Variants in COL4A3 observed in about 807,000 individuals in gnomAD.
COL4A3 encodes the protein collagen type IV alpha 3 chain.
In COL4A3, 135 loss-of-function variants were observed where a neutral mutation model predicts 217.4. The observed-to-expected ratio is 0.62, with a 90% CI of 0.54 to 0.72. The LOEUF is 0.72. Ranked by LOEUF, COL4A3 falls within the 30% of genes least tolerant of loss-of-function variation. COL4A3 has a pLI of 0.00. For missense variants in COL4A3, 1,868 were observed against 2,119.9 expected (o/e 0.88, Z 2.33); for synonymous variants, 690 against 736.3 (o/e 0.94, Z 1.02).
intron 1 of COL4A3, among the ~76,000 whole-genome samples, chr2:227,186,242 C>G (rs1047714226): frequency 6.6e-6 from 1 of 152,092 alleles, no homozygotes; most frequent in Non-Finnish European, 1.5e-5. Flanking sequence ...AATAAGATAA[C>G]GCGCATTACA....
intron 1 of COL4A3, among the ~76,000 whole-genome samples, chr2:227,232,118 T>C (rs1469060680): frequency 1.3e-5 from 2 of 152,232 alleles, no homozygotes; most frequent in Non-Finnish European, 2.9e-5. Flanking sequence ...GTTCCATCCA[T>C]GTCGTTGCAA....
intron 1 of COL4A3, among the ~76,000 whole-genome samples, chr2:227,223,487 A>T (rs13023148): frequency 0.45 from 68,554 of 151,782 alleles, 16,701 homozygotes; most frequent in Non-Finnish European, 0.56. Context: ...TAATCCCAGC[A>T]CTTCGGGAGG....
chr2:227,249,240 T>A (rs1266037134), intron 9 of COL4A3, among the ~76,000 whole-genome samples: 1 of 41,310 alleles, frequency 2.4e-5, no homozygotes, highest in African/African-American at 8.1e-5. Flanking sequence ...ATTTTTTTTT[T>A]TTTTTTTTTT....
At position 227,253,978 on chromosome 2, in the gene COL4A3, GGTTGT is replaced by G; in HGVS notation, c.766-130_766-126del. 3.6e-6 allele frequency: 3 copies of G among 833,298 alleles called. No individual in the cohort carries two copies. In the East Asian group the frequency reaches 7.6e-5, roughly 21 times the overall value. 51.6% of individuals were successfully genotyped at this position (833,298 alleles called of 1,614,324 possible). A position where few individuals can be genotyped will look rare whatever the true frequency, so the allele number is the denominator to read the frequency against. The stretch of plus-strand genomic sequence containing the variant: ...AATGTGAGAAATGGAAGGTGTATTG[GGTTGT>G]GTTAACACGAGGCACATTCATAGTT... On this transcript the variant is annotated intron_variant, in intron 13 of 51. Coordinates refer to ENST00000396578, the MANE Select transcript of COL4A3 (RefSeq NM_000091.5). The surrounding 1 kb of genome is among the most constrained non-coding windows in gnomAD (Gnocchi z 4.4).
rs1574825410 is a variant in COL4A3 at position 227,298,728 on chromosome 2, A to C, written c.3798A>C (p.Ile1266=). 1 of 1,614,068 alleles carries C rather than the reference A, an allele frequency of 6.2e-7. No individual in the cohort carries two copies. ...CTCCAGGGAGTCATGTAATAGGCAT[A>C]AAAGGAGACAAAGGGTCTATGGGCC... is the stretch of plus-strand genomic sequence containing the variant. The part of the protein sequence containing the change: ...PGPPGSHVIG[I]KGDKGSMGHP... The change falls in exon 43 of 52, where the codon ATA becomes ATC. Residue 1266 remains isoleucine, a synonymous_variant. Coordinates refer to ENST00000396578, the MANE Select transcript of COL4A3 (RefSeq NM_000091.5).
intron 26 of COL4A3, among the ~76,000 whole-genome samples, chr2:227,274,743 C>T (rs1326036223): frequency 5.3e-5 from 8 of 152,060 alleles, no homozygotes; most frequent in Non-Finnish European, 2.9e-5. Flanking sequence ...AGGTGATCCA[C>T]CTGCCTCGGC....
At chr2:227,311,085 A>T (rs912012616) in intron 51 of COL4A3, 137 bp downstream of exon 51, 3 of 792,838 alleles carry the variant, frequency 3.8e-6, no homozygotes, top group Non-Finnish European at 6.4e-6. Context: ...TTTTGTCATC[A>T]CTAAACACAT....
In COL4A3 at chr2:227,311,998, C is replaced by T; in HGVS notation, c.*128C>T. ...TCCATGATGACTTAGTACAAAGTTT[C>T]AATTTGTTTCCCCACAAAACAAAGC... is the stretch of plus-strand genomic sequence containing the variant. On this transcript the variant is annotated 3_prime_UTR_variant, in exon 52 of 52. Coordinates refer to ENST00000396578, the MANE Select transcript of COL4A3 (RefSeq NM_000091.5). The T allele has an allele frequency of 6.8e-7, 1 of 1,474,454 alleles. No homozygotes were observed. The highest frequency in any genetic ancestry group is 1.4e-5 in the African/African-American group (1 of 71,350). The allele number at this position is 1,474,454 out of a possible 1,614,324, so 91.3% of individuals were successfully genotyped here.
chr2:227,281,534 G>T (rs749748687), intron 31 of COL4A3, among the ~76,000 whole-genome samples: 2 of 152,160 alleles, frequency 1.3e-5, no homozygotes, highest in Non-Finnish European at 2.9e-5. Context: ...TTTGTTTTTG[G>T]ATCCTCTCCT....
At chr2:227,189,449 GT>G (rs1275705979) in intron 1 of COL4A3, among the ~76,000 whole-genome samples, 1 of 152,126 alleles carries the variant, frequency 6.6e-6, no homozygotes, top group African/African-American at 2.4e-5. Context: ...AGATCTGTGA[GT>G]TTTTTGGTCT....
intron 1 of COL4A3, among the ~76,000 whole-genome samples, chr2:227,176,382 T>C (rs997107978): frequency 2.0e-5 from 3 of 152,228 alleles, no homozygotes; most frequent in Non-Finnish European, 2.9e-5. Flanking sequence ...CACACACGTA[T>C]ATTTAAATAA....
At position 227,284,318 on chromosome 2, in the gene COL4A3, G is replaced by A. The variant is rs2072186574; in HGVS notation, c.2854G>A (p.Gly952Arg). The change falls in exon 34 of 52, where the codon GGG (glycine) becomes AGG (arginine). Residue 952 changes from glycine (G) to arginine (R), a missense_variant. This residue lies in a region of COL4A3 where 1,503 missense variants were observed against 1,786.1 expected (regional missense o/e 0.84). Coordinates refer to ENST00000396578, the MANE Select transcript of COL4A3 (RefSeq NM_000091.5). ...PGPSEISHVI[G>R]DKGEPGLKGF... ...GCCTTCAGAGATATCCCACGTAATA[G>A]GGGACAAAGGAGAACCAGGTCTCAA... 3 of 1,613,864 alleles carry A rather than the reference G, an allele frequency of 1.9e-6. No homozygotes were observed. In the African/African-American group the frequency reaches 4.0e-5, roughly 22 times the overall value.
chr2:227,165,808 TTTAAA>T (rs527855195), intron 1 of COL4A3, among the ~76,000 whole-genome samples: 66 of 152,322 alleles, frequency 4.3e-4, no homozygotes, highest in African/African-American at 1.6e-3. Context: ...GTTTTTCCTA[TTTAAA>T]TTAAATGAAG....
chr2:227,198,622 T>G (rs567616415), intron 1 of COL4A3, among the ~76,000 whole-genome samples: 1 of 152,240 alleles, frequency 6.6e-6, no homozygotes, highest in South Asian at 2.1e-4. Context: ...GTACTACTAC[T>G]GGAGAAATGA....
At chr2:227,293,990 T>G (rs770090728) in intron 38 of COL4A3, 11 of 319,398 alleles carry the variant, frequency 3.4e-5, no homozygotes, top group Non-Finnish European at 5.5e-5. Context: ...AGGTTAGGAC[T>G]TCAGCATATG....
chr2:227,276,390 A>T lies in COL4A3; in HGVS notation c.1933A>T (p.Arg645Trp). 1 of 1,613,650 alleles carries T rather than the reference A, an allele frequency of 6.2e-7. No individual in the cohort carries two copies. Among genetic ancestry groups the T allele is most frequent in the Non-Finnish European group, 8.5e-7 (1 of 1,179,558 alleles). ...TGACCACAAATTTCCTTAAGGCCCTAGGGGAGAGCTCAGTGTTTCAACACC... is the reference window on the plus strand; with the variant it reads ...TGACCACAAATTTCCTTAAGGCCCTTGGGGAGAGCTCAGTGTTTCAACACC... ...APGPPGEAGP[R>W]GELSVSTPVP... Residue 645 changes from arginine (R) to tryptophan (W), a missense_variant, in exon 27 of 52, where the codon AGG becomes TGG. Arg to Trp is a moderately radical substitution (Grantham distance 101). This residue lies in a region of COL4A3 where 1,503 missense variants were observed against 1,786.1 expected (regional missense o/e 0.84). Transcript: ENST00000396578.
At position 227,314,559 on chromosome 2, in the gene COL4A3, G is replaced by T. The variant is rs1294564791; in HGVS notation, c.*2689G>T. On this transcript the variant is annotated 3_prime_UTR_variant, in exon 52 of 52. Transcript: ENST00000396578. Reference sequence around the variant, plus strand: ...TGAAAGTATTAAAATGCTTACATTTGAACTTGATGGCTAACTTACAAAGAT... The same window carrying T: ...TGAAAGTATTAAAATGCTTACATTTTAACTTGATGGCTAACTTACAAAGAT... 2 of 152,474 alleles carry T rather than the reference G, an allele frequency of 1.3e-5. No homozygotes were observed. The highest frequency in any genetic ancestry group is 4.8e-5 in the African/African-American group (2 of 41,408). The allele number at this position is 152,474 out of a possible 1,614,324, so 9.4% of individuals were successfully genotyped here.
At chr2:227,260,994 A>C (rs1574720259) in intron 19 of COL4A3, 88 bp from the exon 20 acceptor site, 7 of 1,014,046 alleles carry the variant, frequency 6.9e-6, no homozygotes, top group Non-Finnish European at 1.1e-5. Flanking sequence ...ATTATTAACT[A>C]TCAGTATATT....
At chr2:227,284,442 G>C in intron 34 of COL4A3, 97 bp downstream of exon 34, 8 of 1,393,058 alleles carry the variant, frequency 5.7e-6, no homozygotes, top group Non-Finnish European at 8.0e-6. Context: ...TAAGGACAGT[G>C]AGGGCCAGTG....
Sources: gnomAD v4.1 joint callset for allele counts (sites outside exome capture counted in the v4.1 genomes callset) on GRCh38, gnomAD v4.1.1 for gene constraint, gnomAD v4.1.1 regional missense constraint, Gnocchi (gnomAD v3.1) non-coding constraint, MANE v1.5 for transcripts, NCBI Gene and HGNC (gene_info 2026-07-23, HGNC 2026-07-21) for gene names.